Variants in PLEKHS1 observed in about 807,000 individuals in gnomAD.
The protein encoded by PLEKHS1 is pleckstrin homology domain-containing family S member 1.
Under a neutral mutation model 51.0 loss-of-function variants are expected in PLEKHS1, and 55 were observed. The observed-to-expected ratio is 1.08, with a 90% confidence interval of 0.87 to 1.35. The LOEUF (loss-of-function observed/expected upper bound fraction) is 1.35, where lower values mean the gene tolerates loss of function less well. Ranked by LOEUF, PLEKHS1 falls within the 40% of genes most tolerant of loss-of-function variation. PLEKHS1 has a pLI of 0.00. For synonymous variants in PLEKHS1, 153 were observed against 144.8 expected (o/e 1.06, Z -0.41); for missense variants, 398 against 423.0 (o/e 0.94, Z 0.52).
At chr10:113,777,026 G>A in intron 11 of PLEKHS1, 98 bp from the exon 12 acceptor site, 2 of 1,377,258 alleles carry the variant, frequency 1.5e-6, no homozygotes, top group Non-Finnish European at 2.0e-6. Context: ...TACTTCAGAG[G>A]TGGTGCCACG....
intron 2 of PLEKHS1, among the ~76,000 whole-genome samples, chr10:113,761,364 G>A (rs377682887): frequency 1.3e-5 from 2 of 152,204 alleles, no homozygotes; most frequent in African/African-American, 4.8e-5. Context: ...TTTATAGATT[G>A]CTTTAGGTAG....
chr10:113,755,477 T>C lies in PLEKHS1; in HGVS notation c.28+172T>C, dbSNP rs994417926. 3 of 1,254,120 alleles carry C rather than the reference T, an allele frequency of 2.4e-6. No individual in the cohort carries two copies. The African/African-American group carries it at 4.7e-5, about 20-fold the overall frequency. The allele number at this position is 1,254,120 out of a possible 1,614,324, so 77.7% of individuals were successfully genotyped here. A position where few individuals can be genotyped will look rare whatever the true frequency, so the allele number is the denominator to read the frequency against. On this transcript the variant is annotated intron_variant, in intron 2 of 11. Coordinates refer to ENST00000361048, the Ensembl canonical transcript of PLEKHS1. ...CGTAGGCTGGAGTACAGTGGCACGATCTAAGCTCACTGCAACCTGCCAGCT... is the reference window on the plus strand; with the variant it reads ...CGTAGGCTGGAGTACAGTGGCACGACCTAAGCTCACTGCAACCTGCCAGCT...
intron 7 of PLEKHS1, among the ~76,000 whole-genome samples, chr10:113,770,323 T>C (rs1308957030): frequency 2.0e-5 from 3 of 152,218 alleles, no homozygotes; most frequent in Non-Finnish European, 4.4e-5. Flanking sequence ...TTTACCCTGA[T>C]CAATCTCGCT....
At chr10:113,780,868 G>A in exon 12 of PLEKHS1, 1 of 1,234,080 alleles carries the variant, frequency 8.1e-7, no homozygotes, top group Non-Finnish European at 1.1e-6. Flanking sequence ...ATAGGAGACA[G>A]TCGGCACCCC....
At chr10:113,770,438 G>A (rs1844354648) in intron 7 of PLEKHS1, among the ~76,000 whole-genome samples, 1 of 152,138 alleles carries the variant, frequency 6.6e-6, no homozygotes, top group Non-Finnish European at 1.5e-5. Context: ...CTTGTAATTG[G>A]ACCTTCAGCT....
intron 2 of PLEKHS1, among the ~76,000 whole-genome samples, chr10:113,758,915 A>G (rs944362469): frequency 6.6e-6 from 1 of 152,202 alleles, no homozygotes; most frequent in Non-Finnish European, 1.5e-5. Context: ...AATTGCCAAA[A>G]TGTGACACAG....
chr10:113,754,748 T>G (rs1854022674), intron 1 of PLEKHS1, among the ~76,000 whole-genome samples: 1 of 152,114 alleles, frequency 6.6e-6, no homozygotes, highest in African/African-American at 2.4e-5. Flanking sequence ...CCTCCCAAAG[T>G]GCTGGGATTA....
At chr10:113,772,797 G>A (rs1344382789) in intron 8 of PLEKHS1, among the ~76,000 whole-genome samples, 2 of 152,322 alleles carry the variant, frequency 1.3e-5, no homozygotes, top group Admixed American at 6.5e-5. Context: ...CCTAGAGTGC[G>A]TGAAAGGCAT....
At chr10:113,765,474 A>C (rs1357286781) in intron 2 of PLEKHS1, 2 of 764,830 alleles carry the variant, frequency 2.6e-6, no homozygotes, top group Non-Finnish European at 4.9e-6. Flanking sequence ...CACATGTGTT[A>C]ATCGACACTC....
At chr10:113,753,220 G>A (rs80026903) in intron 1 of PLEKHS1, among the ~76,000 whole-genome samples, 14,686 of 152,008 alleles carry the variant, frequency 0.097, 799 homozygotes, top group South Asian at 0.15. Context: ...CTGCATAGGG[G>A]GCGTGGCCAA....
At chr10:113,779,566 T>A in intron 11 of PLEKHS1, among the ~76,000 whole-genome samples, 1 of 131,098 alleles carries the variant, frequency 7.6e-6, no homozygotes, top group Non-Finnish European at 1.6e-5. Flanking sequence ...TGAGACTCTG[T>A]CTCAAAAAAA....
At chr10:113,765,332 A>AT in intron 2 of PLEKHS1, 1 of 779,202 alleles carries the variant, frequency 1.3e-6, no homozygotes, top group South Asian at 1.3e-5. Context: ...GAGGCAAGAC[A>AT]TTCCTGAGTA....
At chr10:113,768,783 C>T (rs1350371347) in intron 5 of PLEKHS1, 32 bp from the exon 6 acceptor site, 2 of 1,563,292 alleles carry the variant, frequency 1.3e-6, no homozygotes, top group East Asian at 2.2e-5. Context: ...ATTGTTGCCA[C>T]ATGCCAACTG....
intron 6 of PLEKHS1, 32 bp downstream of exon 6, chr10:113,768,922 C>T: frequency 6.6e-7 from 1 of 1,512,314 alleles, no homozygotes; most frequent in Non-Finnish European, 9.1e-7. Context: ...AATAACAGGG[C>T]ACCTGAACAC....
intron 10 of PLEKHS1, among the ~76,000 whole-genome samples, chr10:113,775,474 C>T (rs1467614735): frequency 4.6e-5 from 7 of 152,192 alleles, no homozygotes; most frequent in Admixed American, 4.6e-4. Flanking sequence ...TTTTCCATGC[C>T]TTCTTCTATG....
intron 2 of PLEKHS1, among the ~76,000 whole-genome samples, chr10:113,761,814 A>G (rs945069516): frequency 7.9e-5 from 12 of 151,960 alleles, no homozygotes; most frequent in African/African-American, 2.9e-4. Context: ...AGAGTTTTCA[A>G]TCAAGAAGAG....
At chr10:113,765,615 A>G (rs1000507821) in intron 2 of PLEKHS1, among the ~76,000 whole-genome samples, 1 of 152,272 alleles carries the variant, frequency 6.6e-6, no homozygotes, top group Non-Finnish European at 1.5e-5. Context: ...CTGCTTCTCT[A>G]TAAGTGATGA....
intron 11 of PLEKHS1, among the ~76,000 whole-genome samples, chr10:113,776,806 T>C (rs1844687002): frequency 6.6e-6 from 1 of 152,138 alleles, no homozygotes; most frequent in South Asian, 2.1e-4. Flanking sequence ...AAATGTAAAA[T>C]GCATTTTATT....
At chr10:113,771,546 G>A (rs530331221) in intron 7 of PLEKHS1, among the ~76,000 whole-genome samples, 14 of 151,888 alleles carry the variant, frequency 9.2e-5, no homozygotes, top group East Asian at 5.8e-4. Context: ...ATGGTGATGC[G>A]CGCCTGTATT....
Sources: gnomAD v4.1 joint callset for allele counts (sites outside exome capture counted in the v4.1 genomes callset) on GRCh38, gnomAD v4.1.1 for gene constraint, MANE v1.5 for transcripts, NCBI Gene and HGNC (gene_info 2026-07-23, HGNC 2026-07-21) for gene names.